RORA: variants seen among roughly 807,000 people sequenced by gnomAD.
RORA encodes RAR related orphan receptor A.
In RORA, 7 loss-of-function variants were observed where a neutral mutation model predicts 69.5. That is an observed-to-expected ratio of 0.10 (90% CI 0.06 to 0.19). The LOEUF is 0.19. Among genes scored for constraint, RORA ranks in the 10% least tolerant of loss-of-function variants. The probability of loss-of-function intolerance (pLI) is 1.00; values close to 1 mark genes in which losing one functional copy is unlikely to be tolerated. For synonymous variants in RORA, 261 were observed against 240.8 expected, an observed-to-expected ratio of 1.08 and a Z score of -0.78; for missense variants, 457 against 663.0, an observed-to-expected ratio of 0.69 and a Z score of 3.41.
intron 1 of RORA, among the ~76,000 whole-genome samples, chr15:60,754,877 C>T (rs775256643): frequency 3.9e-5 from 6 of 152,104 alleles, no homozygotes; most frequent in Non-Finnish European, 5.9e-5. Context: ...TTTCTCTTTC[C>T]TTCTAATGTC....
At chr15:60,967,430 A>G (rs985386696) in intron 1 of RORA, among the ~76,000 whole-genome samples, 2 of 152,222 alleles carry the variant, frequency 1.3e-5, no homozygotes, top group Non-Finnish European at 2.9e-5. Context: ...GAGGGACAGA[A>G]GCAGTTAAAG....
At position 60,506,392 on chromosome 15, in the gene RORA, G is replaced by T. The variant is rs137983607; in HGVS notation, c.821-763C>A. On this transcript the variant is annotated intron_variant, in intron 5 of 10. Coordinates refer to ENST00000335670, the MANE Select transcript of RORA (RefSeq NM_134261.3). ...AGTTATTATTATACTTGAGCATAAG[G>T]AGTTTGAAGATATGAAAGACCTAGA... Among the ~76,000 whole-genome samples, 106 of 152,322 alleles carry T rather than the reference G, an allele frequency of 7.0e-4. No individual in the cohort carries two copies. In the Middle Eastern group the frequency reaches 0.01, roughly 15 times the overall value.
intron 1 of RORA, among the ~76,000 whole-genome samples, chr15:60,895,276 G>A (rs532805904): frequency 2.6e-5 from 4 of 152,202 alleles, no homozygotes; most frequent in South Asian, 4.1e-4. Flanking sequence ...AGTTCTGATC[G>A]GATTCACTTG....
chr15:60,765,760 T>A (rs1037318641), intron 1 of RORA: 4 of 152,044 alleles, frequency 2.6e-5, no homozygotes, highest in African/African-American at 9.7e-5. Context: ...AAATGTAAGA[T>A]CTTCAGATTT....
intron 1 of RORA, among the ~76,000 whole-genome samples, chr15:60,825,043 G>C (rs1224449655): frequency 6.6e-6 from 1 of 152,218 alleles, no homozygotes; most frequent in Non-Finnish European, 1.5e-5. Context: ...CTTACCTCAA[G>C]TGATGAGAGC....
At chr15:61,138,350 A>G (rs2079264292) in intron 1 of RORA, among the ~76,000 whole-genome samples, 1 of 152,202 alleles carries the variant, frequency 6.6e-6, no homozygotes, top group Non-Finnish European at 1.5e-5. Context: ...GGATGGAGCT[A>G]GATGGTTTCG....
At chr15:60,971,938 A>T (rs1241151875) in intron 1 of RORA, among the ~76,000 whole-genome samples, 1 of 152,164 alleles carries the variant, frequency 6.6e-6, no homozygotes. Context: ...ATTCCCTGAA[A>T]CCTGAAGCTT....
At position 61,101,420 on chromosome 15, in the gene RORA, T is replaced by C. The variant is rs116317284; in HGVS notation, c.166+127633A>G. Among the ~76,000 whole-genome samples, 462 of 151,970 alleles carry C rather than the reference T, an allele frequency of 3.0e-3. 2 individuals are homozygous for C. The highest frequency in any genetic ancestry group is 0.01 in the African/African-American group (429 of 41,436). On this transcript the variant is annotated intron_variant, in intron 1 of 10. Transcript: ENST00000335670. ...AGCTGTGGAGAGAATAAGATAAAAA[T>C]TTCGAGGCACTGGGAACAAGATGTG...
At chr15:60,707,054 C>G (rs745459679) in intron 1 of RORA, among the ~76,000 whole-genome samples, 2 of 152,176 alleles carry the variant, frequency 1.3e-5, no homozygotes, top group Admixed American at 1.3e-4. Flanking sequence ...ATACAACATG[C>G]TCTGAGGGAA....
chr15:60,775,562 A>C (rs906313215), intron 1 of RORA, among the ~76,000 whole-genome samples: 6 of 152,192 alleles, frequency 3.9e-5, no homozygotes, highest in South Asian at 2.1e-4. Flanking sequence ...TCTAAGCTTT[A>C]AGATCTCTTT....
At chr15:60,901,194 G>A (rs1487452860) in intron 1 of RORA, among the ~76,000 whole-genome samples, 1 of 151,328 alleles carries the variant, frequency 6.6e-6, no homozygotes, top group Admixed American at 6.6e-5. Context: ...TTTTTGAAAT[G>A]GAATCTCACT....
At chr15:60,784,662 A>G (rs1290083111) in intron 1 of RORA, among the ~76,000 whole-genome samples, 1 of 152,214 alleles carries the variant, frequency 6.6e-6, no homozygotes, top group African/African-American at 2.4e-5. Flanking sequence ...AATTGAAGAG[A>G]AAGCTTTCAG....
At chr15:60,914,954 C>A (rs1891829801) in intron 1 of RORA, among the ~76,000 whole-genome samples, 1 of 152,176 alleles carries the variant, frequency 6.6e-6, no homozygotes, top group African/African-American at 2.4e-5. Context: ...AATGCTTCCA[C>A]CTTTCATTTC....
At chr15:61,004,376 ATG>A (rs1241605650) in intron 1 of RORA, among the ~76,000 whole-genome samples, 33 of 103,588 alleles carry the variant, frequency 3.2e-4, no homozygotes, top group Admixed American at 1.0e-4. Context: ...TGGAGTCTGA[ATG>A]TTTTTTTTTT....
At chr15:61,204,472 T>G (rs2079921804) in intron 1 of RORA, among the ~76,000 whole-genome samples, 1 of 152,096 alleles carries the variant, frequency 6.6e-6, no homozygotes. Flanking sequence ...AGGACCAAAG[T>G]TCAGTATGGC....
rs147967496 is a variant in RORA, at chr15:60,777,309, C to T, written c.167-98623G>A. 1.9e-3 allele frequency among the ~76,000 whole-genome samples: 293 copies of T among 152,278 alleles called. 1 individual carries two copies. The highest frequency in any genetic ancestry group is 6.2e-3 in the African/African-American group (258 of 41,548). On this transcript the variant is annotated intron_variant, in intron 1 of 10. Coordinates refer to ENST00000335670, the MANE Select transcript of RORA (RefSeq NM_134261.3). ...AAACACGGATACGGAGAAATCACAA[C>T]GAGCAGCCTCATGGTATCATGGAAA... is the stretch of plus-strand genomic sequence containing the variant.
chr15:60,995,578 C>T (rs74587838), intron 1 of RORA, among the ~76,000 whole-genome samples: 3,674 of 149,692 alleles, frequency 0.025, 156 homozygotes, highest in African/African-American at 0.088. Flanking sequence ...AGCACAAGGT[C>T]TCTTGTCCCC....
At chr15:61,140,864 C>T in intron 1 of RORA, among the ~76,000 whole-genome samples, 1 of 151,988 alleles carries the variant, frequency 6.6e-6, no homozygotes, top group South Asian at 2.1e-4. Context: ...TGTGAGCTGC[C>T]AGCACAAAAT....
Position 60,716,833 on chromosome 15 carries a change from C to T in RORA, c.167-38147G>A, listed in dbSNP as rs532481127. ...ATGTGGAGGTTCCTGGAGAATGGTG[C>T]CCCAGGGAGGGCATGGAAGCTCCGT... is the stretch of plus-strand genomic sequence containing the variant. On this transcript the variant is annotated intron_variant, in intron 1 of 10. Transcript: ENST00000335670. Among the ~76,000 whole-genome samples, 16 of 152,292 alleles carry T rather than the reference C, an allele frequency of 1.1e-4. No individual in the cohort carries two copies. In the South Asian group the frequency reaches 1.7e-3, roughly 16 times the overall value.
Sources: allele counts gnomAD v4.1 joint callset (sites outside exome capture counted in the v4.1 genomes callset), GRCh38; gene constraint gnomAD v4.1.1; transcripts MANE v1.5; gene names NCBI Gene and HGNC (gene_info 2026-07-23, HGNC 2026-07-21).